Variants in GRID1 observed in about 807,000 individuals in gnomAD.
GRID1 encodes glutamate receptor ionotropic, delta-1.
GRID1 carries 28 observed loss-of-function variants against 98.0 expected under a neutral mutation model. The observed-to-expected ratio is 0.29, with a 90% CI of 0.21 to 0.39. GRID1 has a LOEUF of 0.39. Among genes scored for constraint, GRID1 ranks in the 10% least tolerant of loss-of-function variants. The pLI, the probability that GRID1 is intolerant of heterozygous loss-of-function variation, is 1.00. For missense variants in GRID1, 1,111 were observed against 1,340.5 expected, an observed-to-expected ratio of 0.83 and a Z score of 2.67; for synonymous variants, 553 against 538.5, an observed-to-expected ratio of 1.03 and a Z score of -0.37.
intron 3 of GRID1, among the ~76,000 whole-genome samples, chr10:86,185,182 G>A (rs1439044301): frequency 6.6e-6 from 1 of 152,032 alleles, no homozygotes; most frequent in African/African-American, 2.4e-5. Flanking sequence ...GTAGTTTTCA[G>A]TGTACAGATC....
intron 2 of GRID1, among the ~76,000 whole-genome samples, chr10:86,215,278 G>C (rs922928566): frequency 6.6e-6 from 1 of 152,248 alleles, no homozygotes; most frequent in Non-Finnish European, 1.5e-5. Context: ...CTGTCGTCCA[G>C]GGCAGGTGGG....
At chr10:85,974,283 GTTTGTTTTGT>G (rs143157635) in intron 4 of GRID1, among the ~76,000 whole-genome samples, 11 of 150,878 alleles carry the variant, frequency 7.3e-5, no homozygotes, top group South Asian at 2.1e-4. Flanking sequence ...CAAGTTTTTT[GTTTGTTTTGT>G]TTTGTTTTGT....
chr10:86,216,638 C>T (rs1181266797), intron 2 of GRID1, among the ~76,000 whole-genome samples: 2 of 152,096 alleles, frequency 1.3e-5, no homozygotes, highest in Non-Finnish European at 2.9e-5. Context: ...AAAAGGACAA[C>T]GAGAAGCTTG....
chr10:86,180,917 C>T (rs1845646036), intron 3 of GRID1, among the ~76,000 whole-genome samples: 1 of 152,198 alleles, frequency 6.6e-6, no homozygotes, highest in African/African-American at 2.4e-5. Context: ...AAGCTCTGGG[C>T]TCAGGGAAGG....
intron 2 of GRID1, among the ~76,000 whole-genome samples, chr10:86,308,491 TG>T (rs1847790141): frequency 6.6e-6 from 1 of 152,202 alleles, no homozygotes; most frequent in Non-Finnish European, 1.5e-5. Context: ...AGAGTGACTG[TG>T]GGTCACTGTT....
intron 8 of GRID1, among the ~76,000 whole-genome samples, chr10:85,757,182 C>A (rs892589307): frequency 2.0e-5 from 3 of 152,196 alleles, no homozygotes; most frequent in Admixed American, 1.3e-4. Flanking sequence ...AGCCTCAATG[C>A]CTTCAACTCC....
At chr10:86,083,878 T>C (rs540692887) in intron 4 of GRID1, among the ~76,000 whole-genome samples, 1 of 152,314 alleles carries the variant, frequency 6.6e-6, no homozygotes, top group East Asian at 1.9e-4. Context: ...TTTTCAGCCA[T>C]GAGACTTTGC....
At chr10:86,011,809 A>G (rs530223869) in intron 4 of GRID1, among the ~76,000 whole-genome samples, 1 of 152,358 alleles carries the variant, frequency 6.6e-6, no homozygotes, top group Admixed American at 6.5e-5. Context: ...TGAGATGCCA[A>G]ACTTCTCTGA....
At position 85,724,318 on chromosome 10, in the gene GRID1, G is replaced by C. The variant is rs745566146; in HGVS notation, c.1858+34C>G. The C allele has an allele frequency of 1.9e-6, 3 of 1,547,194 alleles. No homozygotes were observed. In the South Asian group the frequency reaches 3.4e-5, roughly 18 times the overall value. On this transcript the variant is annotated intron_variant, in intron 11 of 15. Transcript: ENST00000327946. ...ATGGATAAGTTCTTCCAGGCCCCTA[G>C]AGCTATTCAATGATCAGGAAACCAG...
chr10:85,621,365 G>C (rs146268137), intron 13 of GRID1, among the ~76,000 whole-genome samples: 2 of 152,236 alleles, frequency 1.3e-5, no homozygotes, highest in African/African-American at 4.8e-5. Flanking sequence ...CATTGTCCCT[G>C]GCTCCTGCCT....
chr10:85,670,596 G>T (rs531392949), intron 12 of GRID1, among the ~76,000 whole-genome samples: 3 of 152,250 alleles, frequency 2.0e-5, no homozygotes, highest in African/African-American at 7.2e-5. Flanking sequence ...CTGCAAGGGG[G>T]AGAAGAAACT....
At chr10:85,685,478 A>G (rs1308558077) in intron 12 of GRID1, among the ~76,000 whole-genome samples, 1 of 152,170 alleles carries the variant, frequency 6.6e-6, no homozygotes, top group Non-Finnish European at 1.5e-5. Flanking sequence ...GATGTAATTT[A>G]TTTCCAAGTC....
chr10:85,940,789 C>G (rs1841988455), intron 4 of GRID1, among the ~76,000 whole-genome samples: 1 of 152,228 alleles, frequency 6.6e-6, no homozygotes, highest in Non-Finnish European at 1.5e-5. Flanking sequence ...ATGGGGACAA[C>G]TGGGTTCAGT....
chr10:85,731,158 G>C (rs1841817396), intron 8 of GRID1, among the ~76,000 whole-genome samples: 1 of 152,114 alleles, frequency 6.6e-6, no homozygotes, highest in Admixed American at 6.5e-5. Flanking sequence ...ACAACTCTGA[G>C]ATGTAAAACC....
intron 8 of GRID1, among the ~76,000 whole-genome samples, chr10:85,771,228 C>T (rs1842262741): frequency 1.3e-5 from 2 of 152,118 alleles, no homozygotes; most frequent in Non-Finnish European, 2.9e-5. Context: ...AACTAAGATT[C>T]ATAAGTGAAG....
chr10:85,833,660 G>A (rs903122978), intron 8 of GRID1, among the ~76,000 whole-genome samples: 4 of 152,142 alleles, frequency 2.6e-5, no homozygotes, highest in Admixed American at 2.0e-4. Context: ...AGACCAGGAT[G>A]GATCAGATGT....
At chr10:85,989,679 C>T (rs968169294) in intron 4 of GRID1, among the ~76,000 whole-genome samples, 3 of 152,190 alleles carry the variant, frequency 2.0e-5, no homozygotes, top group Non-Finnish European at 2.9e-5. Flanking sequence ...GCCTTCAACC[C>T]CCACTGGTCC....
chr10:86,057,082 C>T lies in GRID1; in HGVS notation c.726+81737G>A, dbSNP rs138535860. Among the ~76,000 whole-genome samples the T allele has an allele frequency of 3.6e-3, 553 of 152,312 alleles. 4 individuals are homozygous for T. Among genetic ancestry groups the T allele is most frequent in the African/African-American group, 0.012 (507 of 41,576 alleles). On this transcript the variant is annotated intron_variant, in intron 4 of 15. Coordinates refer to ENST00000327946, the MANE Select transcript of GRID1 (RefSeq NM_017551.3). ...TCCAACTAACAAGACATGGTCCTGG[C>T]CCTCGAGAACCCTCCAGTGAGTGGA...
intron 2 of GRID1, among the ~76,000 whole-genome samples, chr10:86,261,983 A>T (rs1215112583): frequency 6.6e-6 from 1 of 152,258 alleles, no homozygotes; most frequent in Non-Finnish European, 1.5e-5. Flanking sequence ...TGCCAGTCTC[A>T]CAAAGTGAAA....
Sources: gnomAD v4.1 joint callset for allele counts (sites outside exome capture counted in the v4.1 genomes callset) on GRCh38, gnomAD v4.1.1 for gene constraint, MANE v1.5 for transcripts, NCBI Gene and HGNC (gene_info 2026-07-23, HGNC 2026-07-21) for gene names.